Variants in KIAA1217 observed in about 807,000 individuals in gnomAD.
KIAA1217 encodes sickle tail protein homolog.
A neutral mutation model predicts 163.9 loss-of-function variants in KIAA1217; 88 were observed. The ratio of observed to expected loss-of-function variants is 0.54; its 90% CI spans 0.45 to 0.64. The LOEUF (loss-of-function observed/expected upper bound fraction) is 0.64, where lower values mean the gene tolerates loss of function less well. Ranked by LOEUF, KIAA1217 falls within the 30% of genes least tolerant of loss-of-function variation. The probability of loss-of-function intolerance (pLI) is 0.00; values close to 1 mark genes in which losing one functional copy is unlikely to be tolerated. For missense variants in KIAA1217, 2,372 were observed against 2,475.0 expected (o/e 0.96, Z 0.88); for synonymous variants, 903 against 923.1 (o/e 0.98, Z 0.39).
At chr10:23,734,176 C>G (rs16923763) in intron 1 of KIAA1217, among the ~76,000 whole-genome samples, 8,028 of 152,144 alleles carry the variant, frequency 0.053, 708 homozygotes, top group African/African-American at 0.18. Context: ...TTACTTGGAC[C>G]AATCTCTGCA....
chr10:24,349,592 C>T (rs2048207847), intron 2 of KIAA1217, among the ~76,000 whole-genome samples: 1 of 152,196 alleles, frequency 6.6e-6, no homozygotes, highest in Admixed American at 6.5e-5. Flanking sequence ...TTGCAAAACA[C>T]CTTCTTTTGC....
intron 1 of KIAA1217, among the ~76,000 whole-genome samples, chr10:23,961,109 G>T (rs1244989727): frequency 6.6e-6 from 1 of 152,108 alleles, no homozygotes; most frequent in Non-Finnish European, 1.5e-5. Flanking sequence ...GGTCACTAAG[G>T]ACTTCTGTAG....
chr10:24,381,496 G>A (rs531372725), intron 3 of KIAA1217, among the ~76,000 whole-genome samples: 4 of 152,264 alleles, frequency 2.6e-5, no homozygotes, highest in South Asian at 2.1e-4. Context: ...TGTGGCATCC[G>A]CTTCTCATAG....
intron 1 of KIAA1217, among the ~76,000 whole-genome samples, chr10:23,893,584 A>C (rs1048221937): frequency 7.9e-5 from 12 of 151,756 alleles, no homozygotes; most frequent in Non-Finnish European, 1.5e-4. Flanking sequence ...TTGTGATGTG[A>C]GGGTGTCAAT....
chr10:24,487,325 G>A (rs1051684457), intron 6 of KIAA1217, among the ~76,000 whole-genome samples: 8 of 152,214 alleles, frequency 5.3e-5, no homozygotes, highest in Non-Finnish European at 1.2e-4. Flanking sequence ...CAAGTCATCC[G>A]AAGCCTAGGA....
chr10:23,831,775 G>A (rs1838215104), intron 1 of KIAA1217, among the ~76,000 whole-genome samples: 1 of 152,038 alleles, frequency 6.6e-6, no homozygotes, highest in African/African-American at 2.4e-5. Flanking sequence ...TACCTTTTGA[G>A]CTATCAACCT....
chr10:24,090,778 T>C (rs987185313), intron 2 of KIAA1217, among the ~76,000 whole-genome samples: 2 of 151,856 alleles, frequency 1.3e-5, no homozygotes, highest in Non-Finnish European at 2.9e-5. Flanking sequence ...TGGTGCTAAG[T>C]ATTCTAGAAT....
At chr10:24,264,193 C>T (rs996614672) in intron 2 of KIAA1217, among the ~76,000 whole-genome samples, 2 of 152,068 alleles carry the variant, frequency 1.3e-5, no homozygotes, top group African/African-American at 4.8e-5. Flanking sequence ...ACGAGTACAG[C>T]GGGACTTTTC....
intron 1 of KIAA1217, among the ~76,000 whole-genome samples, chr10:23,766,681 C>G (rs185381802): frequency 1.3e-5 from 2 of 151,380 alleles, no homozygotes; most frequent in African/African-American, 4.9e-5. Context: ...CTCTGCCTCC[C>G]GGTTTCAAGC....
At chr10:23,886,934 A>G (rs1434059896) in intron 1 of KIAA1217, among the ~76,000 whole-genome samples, 1 of 151,868 alleles carries the variant, frequency 6.6e-6, no homozygotes, top group East Asian at 1.9e-4. Context: ...CCAGTAGAGA[A>G]TACATTTTCC....
At chr10:24,106,451 G>A (rs1313861579) in intron 2 of KIAA1217, among the ~76,000 whole-genome samples, 1 of 151,578 alleles carries the variant, frequency 6.6e-6, no homozygotes, top group Non-Finnish European at 1.5e-5. Flanking sequence ...AAGGTGACTT[G>A]GAGGCTGGAA....
chr10:24,206,218 T>C (rs2067546085), upstream of KIAA1217, among the ~76,000 whole-genome samples: 1 of 152,228 alleles, frequency 6.6e-6, no homozygotes, highest in Admixed American at 6.5e-5. Context: ...TTTCAAGTTC[T>C]TCCCGCTTTC....
chr10:23,706,572 C>T (rs1372112904), intron 1 of KIAA1217, among the ~76,000 whole-genome samples: 1 of 152,044 alleles, frequency 6.6e-6, no homozygotes, highest in Admixed American at 6.5e-5. Context: ...TACATATTAA[C>T]TAATTTTTGA....
chr10:24,208,121 C>CTT (rs796178842), upstream of KIAA1217, among the ~76,000 whole-genome samples: 211 of 135,338 alleles, frequency 1.6e-3, 1 homozygote, highest in African/African-American at 5.2e-3. Context: ...TTCCCATCCT[C>CTT]TTTTTTTTTT....
intron 2 of KIAA1217, among the ~76,000 whole-genome samples, chr10:24,271,883 A>G (rs1050205312): frequency 4.6e-5 from 7 of 152,096 alleles, no homozygotes; most frequent in African/African-American, 1.7e-4. Context: ...AAATTGTTTT[A>G]TTCAAAAGTA....
intron 2 of KIAA1217, among the ~76,000 whole-genome samples, chr10:24,020,458 A>G: frequency 6.6e-6 from 1 of 152,114 alleles, no homozygotes; most frequent in Non-Finnish European, 1.5e-5. Context: ...GTGGACAAGC[A>G]AGAAACTTAA....
At chr10:23,936,728 C>T (rs1404649219) in intron 1 of KIAA1217, among the ~76,000 whole-genome samples, 1 of 152,134 alleles carries the variant, frequency 6.6e-6, no homozygotes, top group Non-Finnish European at 1.5e-5. Context: ...GGATTTCAGA[C>T]TTTAGGCCTC....
chr10:23,748,277 G>T (rs1330998658), intron 1 of KIAA1217, among the ~76,000 whole-genome samples: 2 of 151,876 alleles, frequency 1.3e-5, no homozygotes, highest in Admixed American at 6.6e-5. Context: ...CTTTATCCCT[G>T]GGTCTTAACT....
chr10:24,173,355 T>C (rs1301198990), intron 2 of KIAA1217, among the ~76,000 whole-genome samples: 1 of 152,136 alleles, frequency 6.6e-6, no homozygotes, highest in Non-Finnish European at 1.5e-5. Context: ...CATTATATAT[T>C]ACAATGTAAT....
Sources: allele counts gnomAD v4.1 joint callset (sites outside exome capture counted in the v4.1 genomes callset), GRCh38; gene constraint gnomAD v4.1.1; transcripts MANE v1.5; gene names NCBI Gene and HGNC (gene_info 2026-07-23, HGNC 2026-07-21).